Variants in METTL25 observed in about 807,000 individuals in gnomAD.
The protein encoded by METTL25 is methyltransferase like 25.
A neutral mutation model predicts 71.6 loss-of-function variants in METTL25; 64 were observed. The ratio of observed to expected loss-of-function variants is 0.89; its 90% CI spans 0.73 to 1.10. The LOEUF is 1.10. METTL25 is among the 50% of genes least tolerant of loss of function. METTL25 has a pLI of 0.00. For missense variants in METTL25, 807 were observed against 707.0 expected, an observed-to-expected ratio of 1.14 and a Z score of -1.60; for synonymous variants, 287 against 250.3, an observed-to-expected ratio of 1.15 and a Z score of -1.38.
At chr12:82,450,181 C>CT (rs111616695) in intron 8 of METTL25, among the ~76,000 whole-genome samples, 35 of 151,260 alleles carry the variant, frequency 2.3e-4, no homozygotes, top group African/African-American at 4.8e-4. Flanking sequence ...GTTGAGGTGG[C>CT]TTTTTTTTTC....
intron 8 of METTL25, among the ~76,000 whole-genome samples, chr12:82,453,048 A>T (rs1404741212): frequency 6.6e-6 from 1 of 152,196 alleles, no homozygotes; most frequent in Non-Finnish European, 1.5e-5. Context: ...AAGCAACCTA[A>T]TTAACATGTA....
At chr12:82,424,556 A>G (rs1277630058) in intron 5 of METTL25, among the ~76,000 whole-genome samples, 4 of 151,612 alleles carry the variant, frequency 2.6e-5, no homozygotes, top group African/African-American at 2.4e-5. Context: ...ATATATATAT[A>G]TATGTATAAA....
chr12:82,359,012 C>T (rs1881398364), intron 1 of METTL25, 188 bp downstream of exon 1: 1 of 649,562 alleles, frequency 1.5e-6, no homozygotes, highest in Non-Finnish European at 2.7e-6. Context: ...GAATCAGGAT[C>T]ACTCTTTCTT....
intron 8 of METTL25, among the ~76,000 whole-genome samples, chr12:82,448,859 A>G (rs2137226872): frequency 6.6e-6 from 1 of 152,322 alleles, no homozygotes; most frequent in African/African-American, 2.4e-5. Flanking sequence ...TTAGCATACA[A>G]AAGGCACAAA....
intron 1 of METTL25, among the ~76,000 whole-genome samples, chr12:82,383,342 A>G (rs1449759263): frequency 4.6e-5 from 1 of 21,768 alleles, no homozygotes; most frequent in African/African-American, 7.4e-5. Context: ...GTCCTGCTTG[A>G]TTTTCTTTGT....
At chr12:82,445,364 G>A (rs910358976) in intron 8 of METTL25, among the ~76,000 whole-genome samples, 1 of 152,018 alleles carries the variant, frequency 6.6e-6, no homozygotes, top group Non-Finnish European at 1.5e-5. Context: ...CAAGAGAAAT[G>A]TAAACTAATG....
intron 8 of METTL25, 81 bp from the exon 9 acceptor site, chr12:82,456,646 A>T: frequency 1.4e-6 from 1 of 725,850 alleles, no homozygotes; most frequent in Non-Finnish European, 2.2e-6. Context: ...GAAAATATTT[A>T]AAAATATTTC....
chr12:82,403,099 C>T lies in METTL25; in HGVS notation c.1248C>T (p.Leu416=), dbSNP rs1417166534. 1.9e-6 allele frequency: 3 copies of T among 1,612,572 alleles called. No individual in the cohort carries two copies. The highest frequency in any genetic ancestry group is 2.2e-5 in the East Asian group (1 of 44,782). The change falls in exon 5 of 12, where the codon CTC becomes CTT. Residue 416 remains leucine (L), a synonymous_variant. Transcript: ENST00000248306. The stretch of plus-strand genomic sequence containing the variant: ...GCAGTGTGGGTTGTTGCTACCACCT[C>T]TTATCTGAAGAATTTGAAAACCAGC... ...GVCSVGCCYH[L]LSEEFENQHK...
intron 5 of METTL25, among the ~76,000 whole-genome samples, chr12:82,405,613 A>G (rs911033465): frequency 6.6e-6 from 1 of 152,200 alleles, no homozygotes; most frequent in Non-Finnish European, 1.5e-5. Context: ...ATTGCTTTAA[A>G]CTGTTAGCAA....
chr12:82,358,802 A>C lies in METTL25; in HGVS notation c.237A>C (p.Leu79=). The C allele has an allele frequency of 6.2e-7, 1 of 1,608,350 alleles. No homozygotes were observed. The highest frequency in any genetic ancestry group is 8.5e-7 in the Non-Finnish European group (1 of 1,177,200). The change falls in exon 1 of 12, where the codon CTA becomes CTC. Residue 79 remains leucine (L), a synonymous_variant. Transcript: ENST00000248306. ...TEALPSETRP[L]VEAEWEAGMT... is the part of the protein sequence containing the mutation. ...CCCTGCCCTCAGAGACGCGCCCCCT[A>C]GTGGAAGCAGAGTGGGAAGCAGGTG...
chr12:82,359,915 T>TG (rs1410690867), intron 1 of METTL25, among the ~76,000 whole-genome samples: 9 of 152,188 alleles, frequency 5.9e-5, no homozygotes, highest in Non-Finnish European at 5.9e-5. Context: ...CTGTTGTTGT[T>TG]TTTTTAAGTA....
chr12:82,474,948 G>A (rs1892797370), intron 9 of METTL25, among the ~76,000 whole-genome samples: 1 of 152,138 alleles, frequency 6.6e-6, no homozygotes, highest in South Asian at 2.1e-4. Flanking sequence ...AAATGCCCAC[G>A]GTTACAGATC....
Position 82,426,458 on chromosome 12 carries a change from T to TA in METTL25, c.1280-4435_1280-4434insA, listed in dbSNP as rs1232910982. Among the ~76,000 whole-genome samples, 8 of 152,108 alleles carry TA rather than the reference T, an allele frequency of 5.3e-5. No individual in the cohort carries two copies. In the South Asian group the frequency reaches 6.2e-4, roughly 12 times the overall value. On this transcript the variant is annotated intron_variant, in intron 5 of 11. Transcript: ENST00000248306. ...AGTTCCTAGGTGTTTTGGATAGGAA[T>TA]TCAGGGATCCAGGTGCATCAAGGAA...
intron 8 of METTL25, among the ~76,000 whole-genome samples, chr12:82,439,484 G>T (rs565513783): frequency 4.0e-5 from 6 of 151,596 alleles, no homozygotes; most frequent in African/African-American, 1.5e-4. Context: ...TTAAAATAAG[G>T]CAATTTTCAG....
At chr12:82,438,679 T>C (rs1364169134) in intron 7 of METTL25, 39 bp from the exon 8 acceptor site, 1 of 1,314,308 alleles carries the variant, frequency 7.6e-7, no homozygotes, top group South Asian at 1.8e-5. Flanking sequence ...TTCTGTTTTT[T>C]TTGTTTCTTG....
intron 3 of METTL25, among the ~76,000 whole-genome samples, chr12:82,394,768 G>A (rs1292492802): frequency 1.3e-5 from 2 of 151,938 alleles, no homozygotes; most frequent in African/African-American, 4.8e-5. Flanking sequence ...CTTATCTGGG[G>A]ATAGTTAATT....
At chr12:82,473,931 A>G (rs1167635948) in intron 9 of METTL25, among the ~76,000 whole-genome samples, 1 of 152,128 alleles carries the variant, frequency 6.6e-6, no homozygotes, top group Admixed American at 6.6e-5. Flanking sequence ...ATAGAACCCC[A>G]GTGGTGTAGA....
chr12:82,457,187 A>C (rs1196113894), intron 9 of METTL25, among the ~76,000 whole-genome samples: 1 of 152,018 alleles, frequency 6.6e-6, no homozygotes, highest in African/African-American at 2.4e-5. Flanking sequence ...AAAATTAAAA[A>C]TCTTAAATTC....
At chr12:82,416,452 T>TG (rs1329925469) in intron 5 of METTL25, among the ~76,000 whole-genome samples, 2 of 150,066 alleles carry the variant, frequency 1.3e-5, no homozygotes, top group African/African-American at 2.4e-5. Context: ...TTAGGTTTTT[T>TG]TTTTTTTTTG....
Sources: gnomAD v4.1 joint callset for allele counts (sites outside exome capture counted in the v4.1 genomes callset) on GRCh38, gnomAD v4.1.1 for gene constraint, MANE v1.5 for transcripts, NCBI Gene and HGNC (gene_info 2026-07-23, HGNC 2026-07-21) for gene names.